The following ZNF644 variants were observed in gnomAD, a reference collection of about 807,000 sequenced individuals.
The protein encoded by ZNF644 is zinc finger protein 644.
In ZNF644, 20 loss-of-function variants were observed where a neutral mutation model predicts 108.0. That is an observed-to-expected ratio of 0.19 (90% confidence interval 0.13 to 0.27). The LOEUF is 0.27. ZNF644 is among the 10% of genes least tolerant of loss of function. ZNF644 has a pLI of 1.00. For synonymous variants in ZNF644, 542 were observed against 539.1 expected (o/e 1.01, Z -0.08); for missense variants, 1,338 against 1,548.9 (o/e 0.86, Z 2.29).
intron 4 of ZNF644, among the ~76,000 whole-genome samples, chr1:90,936,854 C>T (rs1300324569): frequency 1.3e-5 from 2 of 152,156 alleles, no homozygotes; most frequent in Admixed American, 1.3e-4. Flanking sequence ...CTGTCCTGTT[C>T]CATTAGAGCA....
intron 2 of ZNF644, among the ~76,000 whole-genome samples, chr1:90,945,802 T>C (rs547070508): frequency 5.1e-4 from 77 of 152,200 alleles, no homozygotes; most frequent in African/African-American, 1.8e-3. Context: ...TTATTAATTG[T>C]ATTTATTGCA....
chr1:90,972,019 C>G (rs1349526638), intron 2 of ZNF644, among the ~76,000 whole-genome samples: 4 of 152,142 alleles, frequency 2.6e-5, no homozygotes, highest in Non-Finnish European at 5.9e-5. Flanking sequence ...ACTCAGGAGG[C>G]TGAGGCATGA....
At chr1:90,964,369 C>A (rs549667903) in intron 2 of ZNF644, among the ~76,000 whole-genome samples, 1 of 151,980 alleles carries the variant, frequency 6.6e-6, no homozygotes, top group African/African-American at 2.4e-5. Context: ...GGGATTAAGA[C>A]AGAATGATAA....
chr1:91,008,152 T>A (rs1037476087), intron 1 of ZNF644, among the ~76,000 whole-genome samples: 1 of 152,250 alleles, frequency 6.6e-6, no homozygotes. Context: ...TAATTCTCCC[T>A]GTTTTCCAGT....
intron 1 of ZNF644, among the ~76,000 whole-genome samples, chr1:90,996,382 A>T (rs1658145784): frequency 6.6e-6 from 1 of 152,218 alleles, no homozygotes; most frequent in African/African-American, 2.4e-5. Flanking sequence ...GGCTTGGAGC[A>T]ATCTAGGAAG....
intron 2 of ZNF644, among the ~76,000 whole-genome samples, chr1:90,943,236 T>C (rs1652175082): frequency 6.6e-6 from 1 of 152,026 alleles, no homozygotes; most frequent in African/African-American, 2.4e-5. Flanking sequence ...GATCAGGAGA[T>C]TGACACCATC....
chr1:91,001,211 A>G (rs1461339712), intron 1 of ZNF644, among the ~76,000 whole-genome samples: 3 of 152,182 alleles, frequency 2.0e-5, no homozygotes, highest in Non-Finnish European at 4.4e-5. Flanking sequence ...CTGATACCAA[A>G]GCCTGGCAGA....
At chr1:90,928,297 C>T (rs143597960) in intron 4 of ZNF644, among the ~76,000 whole-genome samples, 1,846 of 150,000 alleles carry the variant, frequency 0.012, 36 homozygotes, top group African/African-American at 0.043. Flanking sequence ...AGATTACAGG[C>T]GCGCACCACC....
chr1:90,969,656 C>T (rs1207460277), intron 2 of ZNF644, among the ~76,000 whole-genome samples: 1 of 152,152 alleles, frequency 6.6e-6, no homozygotes, highest in Non-Finnish European at 1.5e-5. Flanking sequence ...TCTTAGTTAT[C>T]AAATCAACTG....
Position 90,939,895 on chromosome 1 carries a change from G to C in ZNF644, c.1459C>G (p.Leu487Val). 6.2e-7 allele frequency: 1 copy of C among 1,614,044 alleles called. No homozygotes were observed. The highest frequency in any genetic ancestry group is 8.5e-7 in the Non-Finnish European group (1 of 1,179,952). Residue 487 changes from leucine (L) to valine (V), a missense_variant, in exon 3 of 6, where the codon CTT (leucine) becomes GTT (valine). Coordinates refer to ENST00000337393, the MANE Select transcript of ZNF644 (RefSeq NM_201269.3). ...CGTGCACTTCTTCCTTCATCCTGAA[G>C]TTCTTTCAATTCACGAATTTCCTCC... ...LMEEIRELKE[L>V]QDEGRSARLQ... is the part of the protein sequence containing the mutation.
intron 2 of ZNF644, among the ~76,000 whole-genome samples, chr1:90,947,468 C>T (rs1652640850): frequency 6.6e-6 from 1 of 152,026 alleles, no homozygotes; most frequent in Non-Finnish European, 1.5e-5. Context: ...TCAAAGAAAC[C>T]AATGTACCTA....
At chr1:90,925,388 C>G (rs891504751) in intron 4 of ZNF644, among the ~76,000 whole-genome samples, 3 of 151,924 alleles carry the variant, frequency 2.0e-5, no homozygotes, top group African/African-American at 7.3e-5. Flanking sequence ...CTTAAAAATT[C>G]ACTTGTAACT....
At chr1:90,989,207 G>A (rs1657399606) in intron 1 of ZNF644, among the ~76,000 whole-genome samples, 1 of 152,104 alleles carries the variant, frequency 6.6e-6, no homozygotes, top group Non-Finnish European at 1.5e-5. Flanking sequence ...AATGGGCCAA[G>A]TACTTCAATG....
intron 2 of ZNF644, among the ~76,000 whole-genome samples, chr1:90,952,446 G>A (rs1363616242): frequency 6.6e-6 from 1 of 151,988 alleles, no homozygotes; most frequent in Non-Finnish European, 1.5e-5. Flanking sequence ...AAACATATAG[G>A]GAGAGGTCTA....
At chr1:90,947,589 T>A (rs1372239580) in intron 2 of ZNF644, among the ~76,000 whole-genome samples, 2 of 152,178 alleles carry the variant, frequency 1.3e-5, no homozygotes, top group Non-Finnish European at 2.9e-5. Context: ...CTTTAACCTA[T>A]GATGGGTCTG....
chr1:90,962,424 T>C (rs533749048), intron 2 of ZNF644, among the ~76,000 whole-genome samples: 1 of 152,154 alleles, frequency 6.6e-6, no homozygotes, highest in Admixed American at 6.6e-5. Flanking sequence ...TTTTAATAAA[T>C]GATGTCATAT....
At chr1:90,994,163 C>T (rs1026464183) in intron 1 of ZNF644, among the ~76,000 whole-genome samples, 11 of 152,114 alleles carry the variant, frequency 7.2e-5, no homozygotes, top group African/African-American at 2.4e-4. Flanking sequence ...GTTATGAGAA[C>T]GATGTAGGTT....
rs1651523407 is a variant in ZNF644, at chr1:90,937,968, A to G, written c.3205T>C (p.Trp1069Arg). The change falls in exon 4 of 6, where the codon TGG becomes CGG. Residue 1069 changes from tryptophan to arginine, a missense_variant. Trp to Arg is a moderately radical substitution (Grantham distance 101, BLOSUM62 -3). Coordinates refer to ENST00000337393, the MANE Select transcript of ZNF644 (RefSeq NM_201269.3). Reference sequence around the variant, plus strand: ...CAGATTGGAGATTTGTGAGCATCCCATTTCGTCTTTCCAAGTCTTTTCAAG... The same window carrying G: ...CAGATTGGAGATTTGTGAGCATCCCGTTTCGTCTTTCCAAGTCTTTTCAAG... ...GHLKRLGKTK[W>R]DAHKSPICVL... 1 of 1,612,804 alleles carries G rather than the reference A, an allele frequency of 6.2e-7. No homozygotes were observed. Among genetic ancestry groups the G allele is most frequent in the Admixed American group, 1.7e-5 (1 of 59,998 alleles).
chr1:90,994,868 C>T (rs1342361955), intron 1 of ZNF644, among the ~76,000 whole-genome samples: 2 of 152,126 alleles, frequency 1.3e-5, no homozygotes, highest in African/African-American at 4.8e-5. Context: ...AAAAAAGCAG[C>T]AATGGAAAGC....
Sources: allele counts gnomAD v4.1 joint callset (sites outside exome capture counted in the v4.1 genomes callset), GRCh38; gene constraint gnomAD v4.1.1; transcripts MANE v1.5; gene names NCBI Gene and HGNC (gene_info 2026-07-23, HGNC 2026-07-21).